Variants in PPP1R36 observed in about 807,000 individuals in gnomAD.
PPP1R36 encodes the protein protein phosphatase 1 regulatory subunit 36.
In PPP1R36, 47 loss-of-function variants were observed where a neutral mutation model predicts 53.4. The observed-to-expected ratio is 0.88, with a 90% CI of 0.70 to 1.12. The LOEUF (loss-of-function observed/expected upper bound fraction) is 1.12, where lower values mean the gene tolerates loss of function less well. Among genes scored for constraint, PPP1R36 ranks in the 50% most tolerant of loss-of-function variants. The pLI, the probability that PPP1R36 is intolerant of heterozygous loss-of-function variation, is 0.00. For synonymous variants in PPP1R36, 153 were observed against 170.5 expected (o/e 0.90, Z 0.80); for missense variants, 456 against 513.9 (o/e 0.89, Z 1.09).
chr14:64,549,972 C>T lies in PPP1R36; in HGVS notation c.-26C>T. ...CGCCTGCGGGCGGTATCCTCGGCGA[C>T]GCCGTATGGCTTCCAGGGCGAGGCC... On this transcript the variant is annotated 5_prime_UTR_variant, in exon 1 of 12. It adds an upstream start codon to the 5' untranslated region. Transcript: ENST00000298705. 1 of 1,550,952 alleles carries T rather than the reference C, an allele frequency of 6.4e-7. No individual in the cohort carries two copies. Among genetic ancestry groups the T allele is most frequent in the Non-Finnish European group, 8.7e-7 (1 of 1,146,138 alleles).
intron 3 of PPP1R36, 53 bp downstream of exon 3, chr14:64,552,914 T>C: frequency 6.8e-7 from 1 of 1,481,412 alleles, no homozygotes; most frequent in Non-Finnish European, 9.4e-7. Context: ...GACAAGATAG[T>C]TACAGAAGTC....
chr14:64,586,978 T>C, intron 9 of PPP1R36, 99 bp downstream of exon 9: 1 of 1,021,504 alleles, frequency 9.8e-7, no homozygotes, highest in Non-Finnish European at 1.5e-6. Flanking sequence ...ATATCCTTTC[T>C]AAAAGACGGT....
intron 7 of PPP1R36, among the ~76,000 whole-genome samples, chr14:64,570,985 C>T (rs2080298850): frequency 1.3e-5 from 2 of 152,208 alleles, no homozygotes; most frequent in African/African-American, 4.8e-5. Context: ...GTCTGTTTAA[C>T]TCCAAGGCTT....
chr14:64,555,059 C>A (rs2140216707), intron 3 of PPP1R36, among the ~76,000 whole-genome samples: 1 of 152,256 alleles, frequency 6.6e-6, no homozygotes, highest in East Asian at 1.9e-4. Context: ...TACTATTTAA[C>A]CGTTTTCTTG....
intron 7 of PPP1R36, among the ~76,000 whole-genome samples, chr14:64,568,741 T>A (rs1055420206): frequency 3.3e-5 from 5 of 152,202 alleles, no homozygotes; most frequent in Non-Finnish European, 7.3e-5. Flanking sequence ...ATAAGATACA[T>A]GTGAAATTAA....
chr14:64,571,218 C>T (rs982810234), intron 7 of PPP1R36, among the ~76,000 whole-genome samples: 2 of 152,196 alleles, frequency 1.3e-5, no homozygotes, highest in East Asian at 1.9e-4. Flanking sequence ...CTCTGCCTCC[C>T]GGGTTCAAGT....
At chr14:64,573,900 C>T (rs7140272) in intron 7 of PPP1R36, among the ~76,000 whole-genome samples, 1,741 of 105,364 alleles carry the variant, frequency 0.017, 47 homozygotes, top group African/African-American at 0.063. Context: ...GGCGACACAG[C>T]GAGACTCTGT....
At chr14:64,566,885 G>T (rs907628235) in intron 6 of PPP1R36, among the ~76,000 whole-genome samples, 1 of 152,218 alleles carries the variant, frequency 6.6e-6, no homozygotes, top group Non-Finnish European at 1.5e-5. Context: ...GAGTTGATAG[G>T]TAAACTCTTG....
intron 8 of PPP1R36, among the ~76,000 whole-genome samples, chr14:64,575,791 C>T (rs939150079): frequency 9.9e-5 from 15 of 152,010 alleles, no homozygotes; most frequent in Non-Finnish European, 2.2e-4. Flanking sequence ...GCTGGGACTA[C>T]AGGCGCCCGC....
At chr14:64,572,514 T>C (rs1358065876) in intron 7 of PPP1R36, among the ~76,000 whole-genome samples, 1 of 152,224 alleles carries the variant, frequency 6.6e-6, no homozygotes, top group Non-Finnish European at 1.5e-5. Flanking sequence ...TTTTTTTTCA[T>C]AGCTTTTTCC....
At chr14:64,580,303 C>CA (rs2080378846) in intron 8 of PPP1R36, among the ~76,000 whole-genome samples, 1 of 152,060 alleles carries the variant, frequency 6.6e-6, no homozygotes, top group East Asian at 1.9e-4. Flanking sequence ...CACCCTGCCT[C>CA]AAAAAAATTT....
At chr14:64,563,018 C>T (rs1211148994) in intron 3 of PPP1R36, among the ~76,000 whole-genome samples, 5 of 152,094 alleles carry the variant, frequency 3.3e-5, no homozygotes, top group African/African-American at 1.2e-4. Context: ...AGGCATGGGC[C>T]ACCACGCCTG....
Position 64,574,603 on chromosome 14 carries a change from T to C in PPP1R36, c.668+14T>C. 1.2e-6 allele frequency: 2 copies of C among 1,603,116 alleles called. No homozygotes were observed. The highest frequency in any genetic ancestry group is 1.7e-6 in the Non-Finnish European group (2 of 1,176,080). Reference sequence around the variant, plus strand: ...GTGCTGTGGAAAGTAAGCAGATACTTACACTTCATTAGATCATCACTCCAT... The same window carrying C: ...GTGCTGTGGAAAGTAAGCAGATACTCACACTTCATTAGATCATCACTCCAT... On this transcript the variant is annotated intron_variant, in intron 8 of 11. Transcript: ENST00000298705.
At chr14:64,559,266 A>G (rs1297275388) in intron 3 of PPP1R36, 2 of 152,050 alleles carry the variant, frequency 1.3e-5, no homozygotes, top group African/African-American at 4.8e-5. Context: ...AAGAAACCAG[A>G]CCCTTCCAGG....
intron 8 of PPP1R36, among the ~76,000 whole-genome samples, chr14:64,582,662 T>C (rs1419135072): frequency 6.6e-6 from 1 of 152,170 alleles, no homozygotes; most frequent in East Asian, 1.9e-4. Flanking sequence ...TTTAGAAATA[T>C]TGCTTCTATA....
chr14:64,550,642 C>A (rs1218491927), intron 1 of PPP1R36, among the ~76,000 whole-genome samples: 1 of 152,192 alleles, frequency 6.6e-6, no homozygotes, highest in Non-Finnish European at 1.5e-5. Context: ...CTACTTTCCT[C>A]CCTTCCTTTC....
chr14:64,565,801 C>A, intron 6 of PPP1R36, 109 bp downstream of exon 6: 1 of 839,982 alleles, frequency 1.2e-6, no homozygotes, highest in Non-Finnish European at 1.9e-6. Flanking sequence ...GTGAGGCTGG[C>A]TCTATGCAAG....
intron 3 of PPP1R36, among the ~76,000 whole-genome samples, chr14:64,555,306 CAT>C (rs1213637224): frequency 6.6e-6 from 1 of 152,234 alleles, no homozygotes; most frequent in East Asian, 1.9e-4. Context: ...CATTCCTACA[CAT>C]GATGTTAACA....
chr14:64,559,768 C>T (rs2080189701), intron 3 of PPP1R36, among the ~76,000 whole-genome samples: 2 of 152,094 alleles, frequency 1.3e-5, no homozygotes. Flanking sequence ...ATTTAGATGG[C>T]ACAGGGGAGT....
Sources: allele counts gnomAD v4.1 joint callset (sites outside exome capture counted in the v4.1 genomes callset), GRCh38; gene constraint gnomAD v4.1.1; transcripts MANE v1.5; gene names NCBI Gene and HGNC (gene_info 2026-07-23, HGNC 2026-07-21).